ZRANB3: variants seen among roughly 807,000 people sequenced by gnomAD.
ZRANB3 encodes the protein DNA annealing helicase and endonuclease ZRANB3.
Under a neutral mutation model 133.8 loss-of-function variants are expected in ZRANB3, and 125 were observed. The observed-to-expected ratio is 0.93, with a 90% CI of 0.81 to 1.08. The LOEUF (loss-of-function observed/expected upper bound fraction) is 1.08. ZRANB3 is among the 50% of genes least tolerant of loss of function. ZRANB3 has a pLI of 0.00. For missense variants in ZRANB3, 1,229 were observed against 1,275.5 expected, an observed-to-expected ratio of 0.96 and a Z score of 0.56; for synonymous variants, 387 against 432.7, an observed-to-expected ratio of 0.89 and a Z score of 1.31.
intron 8 of ZRANB3, among the ~76,000 whole-genome samples, chr2:135,287,829 T>C (rs1681460538): frequency 6.6e-6 from 1 of 152,118 alleles, no homozygotes; most frequent in African/African-American, 2.4e-5. Context: ...CTAGGAGCTC[T>C]CTGGATGAGT....
rs1682034933 is a variant in ZRANB3 at position 135,295,743 on chromosome 2, T to C, written c.966+17746A>G. ...GTTTTTCCTTTCCATGTTTAGTGCT[T>C]CCTTCAGGAGCTCTGGTAGGGCAGG... is the stretch of plus-strand genomic sequence containing the variant. On this transcript the variant is annotated intron_variant, in intron 8 of 20. Transcript: ENST00000264159. 2.0e-5 allele frequency among the ~76,000 whole-genome samples: 3 copies of C among 152,340 alleles called. No individual in the cohort carries two copies. In the South Asian group the frequency reaches 6.2e-4, roughly 32 times the overall value.
intron 2 of ZRANB3, among the ~76,000 whole-genome samples, chr2:135,451,345 T>C (rs1413943484): frequency 2.0e-5 from 3 of 152,126 alleles, no homozygotes; most frequent in Non-Finnish European, 2.9e-5. Context: ...ACAGATCATC[T>C]GAGATCAGGA....
intron 2 of ZRANB3, among the ~76,000 whole-genome samples, chr2:135,420,980 T>A (rs946157560): frequency 6.6e-6 from 1 of 152,104 alleles, no homozygotes; most frequent in South Asian, 2.1e-4. Context: ...TTAAAAATAG[T>A]AAACACCGAG....
chr2:135,296,630 C>T (rs939531958), intron 8 of ZRANB3, among the ~76,000 whole-genome samples: 6 of 152,182 alleles, frequency 3.9e-5, no homozygotes, highest in South Asian at 2.1e-4. Flanking sequence ...TGAGGAGCTG[C>T]GTTCCTTTGG....
intron 2 of ZRANB3, among the ~76,000 whole-genome samples, chr2:135,393,148 G>A (rs1006398593): frequency 2.0e-5 from 3 of 151,980 alleles, no homozygotes; most frequent in South Asian, 2.1e-4. Context: ...GATTATAAGC[G>A]TGAGCCACTG....
intron 2 of ZRANB3, among the ~76,000 whole-genome samples, chr2:135,405,068 G>A (rs2104944953): frequency 6.6e-6 from 1 of 152,254 alleles, no homozygotes; most frequent in South Asian, 2.1e-4. Context: ...CTGTATTCAG[G>A]AAACCCATCT....
rs774583618 is a variant in ZRANB3, at chr2:135,227,999, GCTAT to G, written c.1967_1970del (p.Asp656AlafsTer78). 42 of 1,544,370 alleles carry G rather than the reference GCTAT, an allele frequency of 2.7e-5. No individual in the cohort carries two copies. The highest frequency in any genetic ancestry group is 4.0e-5 in the Admixed American group (2 of 49,966). The stretch of plus-strand genomic sequence containing the variant: ...CGTTTTTATCCTGGATATGGTTGAG[GCTAT>G]CTATTTGCATAACTATTAAAATAAA... On this transcript the variant is annotated frameshift_variant, in exon 14 of 21. Transcript: ENST00000264159. LOFTEE classifies it high-confidence loss of function.
chr2:135,466,382 CAAAAA>C (rs553890734), intron 2 of ZRANB3, among the ~76,000 whole-genome samples: 8 of 28,236 alleles, frequency 2.8e-4, no homozygotes, highest in African/African-American at 3.8e-4. Context: ...GACTCCGTCA[CAAAAA>C]AAAAAAAAAA....
chr2:135,382,458 G>A (rs1039109930), intron 3 of ZRANB3, among the ~76,000 whole-genome samples: 1 of 152,066 alleles, frequency 6.6e-6, no homozygotes, highest in African/African-American at 2.4e-5. Context: ...ATCTAGCAAG[G>A]CAGGCCAACA....
At chr2:135,386,030 G>T (rs926185329) in intron 3 of ZRANB3, among the ~76,000 whole-genome samples, 1 of 152,168 alleles carries the variant, frequency 6.6e-6, no homozygotes. Context: ...CAAGGCAAAA[G>T]AAACTACCAT....
intron 12 of ZRANB3, among the ~76,000 whole-genome samples, chr2:135,232,247 G>A (rs1161182522): frequency 6.6e-6 from 1 of 152,214 alleles, no homozygotes; most frequent in Non-Finnish European, 1.5e-5. Context: ...CTGGGGGAGG[G>A]GCGCCTGCCA....
intron 2 of ZRANB3, among the ~76,000 whole-genome samples, chr2:135,397,250 G>A (rs375541993): frequency 6.6e-6 from 1 of 151,974 alleles, no homozygotes; most frequent in Non-Finnish European, 1.5e-5. Flanking sequence ...TGAGACCAAC[G>A]TGGGCAACAT....
chr2:135,524,550 T>C (rs1694074199), intron 1 of ZRANB3, among the ~76,000 whole-genome samples: 1 of 152,186 alleles, frequency 6.6e-6, no homozygotes. Flanking sequence ...TGTTAAAATA[T>C]GAAAGTGCAG....
At position 135,529,417 on chromosome 2, in the gene ZRANB3, T is replaced by C. The variant is rs1041801461; in HGVS notation, c.-8+1710A>G. ...TAAGATTATTAGGCTGTGGGCTCCA[T>C]GTGGCCGATGAATAAAGGCATCTTT... On this transcript the variant is annotated intron_variant, in intron 1 of 20. Coordinates refer to ENST00000264159, the MANE Select transcript of ZRANB3 (RefSeq NM_032143.4). Among the ~76,000 whole-genome samples, 6 of 152,258 alleles carry C rather than the reference T, an allele frequency of 3.9e-5. No individual in the cohort carries two copies. In the East Asian group the frequency reaches 1.2e-3, roughly 29 times the overall value.
At chr2:135,469,244 G>C (rs901686629) in intron 2 of ZRANB3, among the ~76,000 whole-genome samples, 14 of 147,754 alleles carry the variant, frequency 9.5e-5, no homozygotes, top group Non-Finnish European at 1.1e-4. Context: ...CATGCATGCA[G>C]ACACACACAC....
At chr2:135,349,259 G>C (rs1202258536) in intron 5 of ZRANB3, among the ~76,000 whole-genome samples, 3 of 152,100 alleles carry the variant, frequency 2.0e-5, no homozygotes, top group African/African-American at 7.2e-5. Flanking sequence ...CAAGGCATAG[G>C]GTGAGGAACT....
intron 6 of ZRANB3, among the ~76,000 whole-genome samples, chr2:135,326,594 G>A (rs574773967): frequency 5.7e-4 from 87 of 151,794 alleles, no homozygotes; most frequent in African/African-American, 7.5e-4. Flanking sequence ...ATTAAGTCCC[G>A]CATAATTATT....
intron 2 of ZRANB3, among the ~76,000 whole-genome samples, chr2:135,424,923 T>C (rs1335258323): frequency 6.6e-6 from 1 of 151,864 alleles, no homozygotes; most frequent in Non-Finnish European, 1.5e-5. Flanking sequence ...ACACAAAAGG[T>C]ACCAATTATA....
chr2:135,387,285 A>G lies in ZRANB3; in HGVS notation c.180+3517T>C, dbSNP rs576335783. On this transcript the variant is annotated intron_variant, in intron 3 of 20. Coordinates refer to ENST00000264159, the MANE Select transcript of ZRANB3 (RefSeq NM_032143.4). ...CAAATCAAAAAGTGGTTGACCTTTA[A>G]ATTATAAATTGTACTTCCTTCTCTG... 2.0e-4 allele frequency among the ~76,000 whole-genome samples: 31 copies of G among 152,324 alleles called. No individual in the cohort carries two copies. In the South Asian group the frequency reaches 6.2e-3, roughly 31 times the overall value.
Sources: gnomAD v4.1 joint callset for allele counts (sites outside exome capture counted in the v4.1 genomes callset) on GRCh38, gnomAD v4.1.1 for gene constraint, MANE v1.5 for transcripts, NCBI Gene and HGNC (gene_info 2026-07-23, HGNC 2026-07-21) for gene names.